The following SEC24B variants were observed in gnomAD, a reference collection of about 807,000 sequenced individuals.
SEC24B encodes the protein protein transport protein Sec24B.
SEC24B carries 45 observed loss-of-function variants against 142.8 expected under a neutral mutation model. The ratio of observed to expected loss-of-function variants is 0.32; its 90% confidence interval spans 0.25 to 0.40. The LOEUF (loss-of-function observed/expected upper bound fraction) is 0.40. SEC24B is among the 10% of genes least tolerant of loss of function. The pLI is 1.00. For synonymous variants in SEC24B, 574 were observed against 568.2 expected, an observed-to-expected ratio of 1.01 and a Z score of -0.15; for missense variants, 1,409 against 1,526.8, an observed-to-expected ratio of 0.92 and a Z score of 1.29.
intron 3 of SEC24B, among the ~76,000 whole-genome samples, chr4:109,475,465 A>G (rs1349335152): frequency 6.6e-6 from 1 of 152,208 alleles, no homozygotes; most frequent in East Asian, 1.9e-4. Context: ...ACCGTTGCTT[A>G]GTTGTTCTCC....
intron 6 of SEC24B, among the ~76,000 whole-genome samples, chr4:109,495,752 T>G (rs1453251559): frequency 6.6e-6 from 1 of 152,162 alleles, no homozygotes; most frequent in African/African-American, 2.4e-5. Context: ...GGAGCTGCCA[T>G]CTTGAACATG....
At chr4:109,513,388 A>G (rs145910838) in intron 9 of SEC24B, among the ~76,000 whole-genome samples, 2,033 of 151,374 alleles carry the variant, frequency 0.013, 13 homozygotes, top group Middle Eastern at 0.021. Context: ...GGTTCAAGCA[A>G]TTCTCCTGCC....
At chr4:109,516,401 A>G in intron 10 of SEC24B, 127 bp from the exon 11 acceptor site, 1 of 609,316 alleles carries the variant, frequency 1.6e-6, no homozygotes, top group Non-Finnish European at 2.8e-6. Context: ...CACATATTAC[A>G]AAATAGCAAT....
chr4:109,487,495 G>A (rs1333749638), intron 4 of SEC24B, among the ~76,000 whole-genome samples: 1 of 152,212 alleles, frequency 6.6e-6, no homozygotes, highest in Non-Finnish European at 1.5e-5. Flanking sequence ...TTTGTTTTAT[G>A]ACAGTGTGAA....
Position 109,513,524 on chromosome 4 carries a change from C to T in SEC24B, c.1904-223C>T, listed in dbSNP as rs113119372. 5.5e-3 allele frequency among the ~76,000 whole-genome samples: 835 copies of T among 152,124 alleles called. 6 individuals carry two copies. The highest frequency in any genetic ancestry group is 0.02 in the African/African-American group (810 of 41,516). ...TTCTCAAACTCCTGACCTCGTGATC[C>T]GCCCGCCGCGGCCGCCCAAAGTGCT... On this transcript the variant is annotated intron_variant, in intron 9 of 23. Transcript: ENST00000265175.
chr4:109,495,666 A>G (rs1260901475), intron 6 of SEC24B, among the ~76,000 whole-genome samples: 1 of 152,120 alleles, frequency 6.6e-6, no homozygotes, highest in African/African-American at 2.4e-5. Flanking sequence ...GCCCTACCCT[A>G]ATCTTATTAT....
At chr4:109,453,359 G>A (rs574036269) in intron 1 of SEC24B, among the ~76,000 whole-genome samples, 8 of 151,322 alleles carry the variant, frequency 5.3e-5, no homozygotes, top group Non-Finnish European at 1.2e-4. Context: ...GCAAGCCTGG[G>A]GGTGCTGCTG....
At chr4:109,490,087 A>T (rs1734854940) in intron 4 of SEC24B, among the ~76,000 whole-genome samples, 1 of 152,070 alleles carries the variant, frequency 6.6e-6, no homozygotes. Context: ...ATAAGAACAT[A>T]AAAAACCACA....
Position 109,525,406 on chromosome 4 carries a change from A to T in SEC24B, c.2693A>T (p.His898Leu). 6.2e-7 allele frequency: 1 copy of T among 1,612,032 alleles called. No homozygotes were observed. The highest frequency in any genetic ancestry group is 8.5e-7 in the Non-Finnish European group (1 of 1,178,838). The part of the protein sequence containing the change: ...IYYYPSFHYT[H>L]NPSQAEKLQK... ...TATTATCCATCATTCCACTATACTC[A>T]CAATCCTTCACAAGCAGAAAAGTTA... Residue 898 changes from histidine to leucine, a missense_variant, in exon 16 of 24, where the codon CAC becomes CTC. Physicochemically the swap from His to Leu is moderately conservative, Grantham distance 99. Around this residue, in one of 2 missense-constraint regions of SEC24B, gnomAD observed 700 missense variants for 853.3 expected, o/e 0.82. Transcript: ENST00000265175.
intron 1 of SEC24B, among the ~76,000 whole-genome samples, chr4:109,444,472 A>ATTTTTTTTT (rs796951465): frequency 1.6e-5 from 2 of 128,270 alleles, no homozygotes; most frequent in African/African-American, 2.8e-5. Flanking sequence ...AGATCCTGTG[A>ATTTTTTTTT]TTTTTTTTTT....
chr4:109,485,252 A>T (rs920237131), intron 4 of SEC24B, among the ~76,000 whole-genome samples: 1 of 152,248 alleles, frequency 6.6e-6, no homozygotes, highest in Admixed American at 6.5e-5. Context: ...CTTCTCAACA[A>T]TTCTGCAAGG....
chr4:109,528,705 A>G (rs112208609), intron 18 of SEC24B, among the ~76,000 whole-genome samples: 13 of 152,338 alleles, frequency 8.5e-5, no homozygotes, highest in African/African-American at 2.9e-4. Context: ...GAGAATTAAC[A>G]TAGCACTTAA....
chr4:109,524,876 C>T lies in SEC24B; in HGVS notation c.2567C>T (p.Ser856Leu), dbSNP rs370028583. Residue 856 changes from serine (S) to leucine (L), a missense_variant, in exon 15 of 24, where the codon TCG becomes TTG. By Grantham distance (145) the Ser-to-Leu change is moderately radical (BLOSUM62 -2). Around this residue, in one of 2 missense-constraint regions of SEC24B, gnomAD observed 700 missense variants for 853.3 expected, o/e 0.82. Coordinates refer to ENST00000265175, the MANE Select transcript of SEC24B (RefSeq NM_006323.5). ...DFYKKLALDC[S>L]GQQTAVDLFL... ...TATAAGAAACTTGCATTAGATTGCT[C>T]GGGACAGCAAACTGCAGTGGATTTG... The T allele has an allele frequency of 9.3e-6, 15 of 1,612,226 alleles. No individual in the cohort carries two copies. The highest frequency in any genetic ancestry group is 4.5e-5 in the East Asian group (2 of 44,752).
chr4:109,486,299 C>T (rs1734346013), intron 4 of SEC24B, among the ~76,000 whole-genome samples: 1 of 152,112 alleles, frequency 6.6e-6, no homozygotes, highest in South Asian at 2.1e-4. Flanking sequence ...ATGTTTTGTG[C>T]AGGTTATGAG....
intron 4 of SEC24B, 86 bp downstream of exon 4, chr4:109,481,867 AAG>A (rs1733778360): frequency 2.1e-6 from 2 of 931,668 alleles, no homozygotes; most frequent in Non-Finnish European, 3.2e-6. Flanking sequence ...CCTTTTAAAA[AAG>A]AGTCTTTGAA....
rs1474951715 is a variant in SEC24B at position 109,482,935 on chromosome 4, ACTATATATATATATATAT to A, written c.1165+1155_1165+1172del. Among the ~76,000 whole-genome samples, 15 of 37,530 alleles carry A rather than the reference ACTATATATATATATATAT, an allele frequency of 4.0e-4. 3 individuals carry two copies. Among genetic ancestry groups the A allele is most frequent in the African/African-American group, 1.2e-3 (13 of 10,440 alleles). 24.6% of individuals were successfully genotyped at this position (37,530 alleles called of 152,430 possible). ...GCATGAGCTACCTTGCCAGGCTTGT[ACTATATATATATATATAT>A]ATATATATATATATATATATATATA... On this transcript the variant is annotated intron_variant, in intron 4 of 23. Transcript: ENST00000265175.
intron 2 of SEC24B, among the ~76,000 whole-genome samples, chr4:109,467,443 A>G (rs1291912880): frequency 6.6e-6 from 1 of 151,950 alleles, no homozygotes; most frequent in Non-Finnish European, 1.5e-5. Flanking sequence ...TCGTTAGGCC[A>G]TTTAAAAATT....
chr4:109,466,783 A>G (rs16997060), intron 2 of SEC24B, among the ~76,000 whole-genome samples: 64,099 of 152,064 alleles, frequency 0.42, 16,106 homozygotes, highest in South Asian at 0.57. Context: ...TGATTATACT[A>G]TCTTCATTTC....
intron 4 of SEC24B, among the ~76,000 whole-genome samples, chr4:109,484,878 G>T: frequency 6.6e-6 from 1 of 150,524 alleles, no homozygotes; most frequent in African/African-American, 2.4e-5. Flanking sequence ...AAAAGATTTA[G>T]CATTTATGGC....
Sources: allele counts gnomAD v4.1 joint callset (sites outside exome capture counted in the v4.1 genomes callset), GRCh38; gene constraint gnomAD v4.1.1; regional missense constraint gnomAD v4.1.1; transcripts MANE v1.5; gene names NCBI Gene and HGNC (gene_info 2026-07-23, HGNC 2026-07-21).